Variants in ZFYVE26 observed in about 807,000 individuals in gnomAD.
The protein encoded by ZFYVE26 is zinc finger FYVE-type containing 26.
Under a neutral mutation model 276.5 loss-of-function variants are expected in ZFYVE26, and 181 were observed. That is an observed-to-expected ratio of 0.65 (90% confidence interval 0.58 to 0.74). ZFYVE26 has a LOEUF of 0.74. ZFYVE26 is among the 30% of genes least tolerant of loss of function. The probability of loss-of-function intolerance (pLI) is 0.00; values close to 1 mark genes in which losing one functional copy is unlikely to be tolerated. For synonymous variants in ZFYVE26, 1,129 were observed against 1,203.1 expected, an observed-to-expected ratio of 0.94 and a Z score of 1.27; for missense variants, 2,821 against 3,097.9, an observed-to-expected ratio of 0.91 and a Z score of 2.12.
intron 5 of ZFYVE26, 109 bp downstream of exon 5, chr14:67,807,289 C>T: frequency 6.8e-6 from 10 of 1,469,488 alleles, no homozygotes; most frequent in Non-Finnish European, 9.4e-6. Flanking sequence ...GCTTAGCCTC[C>T]CCTATTAGAT....
chr14:67,775,121 A>G lies in ZFYVE26; in HGVS notation c.5222-7T>C, dbSNP rs868061324. ...TGGAGGTGAATCACAGAATCTGTAGAGAGGGAAAATGCTGACAAAATATGG... is the reference window on the plus strand; with the variant it reads ...TGGAGGTGAATCACAGAATCTGTAGGGAGGGAAAATGCTGACAAAATATGG... On this transcript the variant is annotated splice_polypyrimidine_tract_variant and splice_region_variant and intron_variant, in intron 26 of 41. Coordinates refer to ENST00000347230, the MANE Select transcript of ZFYVE26 (RefSeq NM_015346.4). 1.3e-6 allele frequency: 2 copies of G among 1,595,384 alleles called. No homozygotes were observed. The highest frequency in any genetic ancestry group is 2.7e-5 in the African/African-American group (2 of 74,492).
At chr14:67,729,545 T>C in exon 14 of ZFYVE26, 6 of 707,164 alleles carry the variant, frequency 8.5e-6, no homozygotes, top group Non-Finnish European at 1.5e-5. Flanking sequence ...AAACTTACAG[T>C]ACAAACTTAT....
rs925640336 is a variant in ZFYVE26, at chr14:67,793,466, C to T, written c.2553+142G>A. ...CACCCTGCTGAAGACTGGGCCTGGG[C>T]ACATGGAAACCCCCTCTTGCTTCTG... On this transcript the variant is annotated intron_variant, in intron 14 of 41. Coordinates refer to ENST00000347230, the MANE Select transcript of ZFYVE26 (RefSeq NM_015346.4). The T allele has an allele frequency of 3.7e-5, 33 of 882,430 alleles. No homozygotes were observed. In the Admixed American group the frequency reaches 6.5e-4, roughly 17 times the overall value. The allele number at this position is 882,430 out of a possible 1,614,324, so 54.7% of individuals were successfully genotyped here.
At position 67,772,198 on chromosome 14, in the gene ZFYVE26, A is replaced by G. The variant is rs1776311846; in HGVS notation, c.5333T>C (p.Ile1778Thr). 1.2e-6 allele frequency: 2 copies of G among 1,613,082 alleles called. No homozygotes were observed. The highest frequency in any genetic ancestry group is 1.7e-6 in the Non-Finnish European group (2 of 1,179,706). ...SPAAPPGISS[I>T]HSPSLRERSF... ...CCTTTCCCTTAGACTAGGGGAATGT[A>G]TACTGGAGATACCTGGGAGGCAGAG... The change falls in exon 28 of 42, where the codon ATA (isoleucine) becomes ACA (threonine). Residue 1778 changes from isoleucine (I) to threonine (T), a missense_variant. Ile to Thr is a moderately conservative substitution (Grantham distance 89). Coordinates refer to ENST00000347230, the MANE Select transcript of ZFYVE26 (RefSeq NM_015346.4).
intron 23 of ZFYVE26, among the ~76,000 whole-genome samples, chr14:67,779,675 T>C (rs1277418151): frequency 6.6e-6 from 1 of 152,170 alleles, no homozygotes; most frequent in Admixed American, 6.5e-5. Context: ...GTTGGTAATA[T>C]TCTAGCAAAG....
chr14:67,733,969 T>C (rs757748818), intron 13 of ZFYVE26: 1 of 704,806 alleles, frequency 1.4e-6, no homozygotes, highest in Non-Finnish European at 2.6e-6. Flanking sequence ...TCCTGCCTGC[T>C]CTGATCCTCT....
intron 31 of ZFYVE26, among the ~76,000 whole-genome samples, chr14:67,767,053 C>A (rs1048964658): frequency 1.3e-5 from 2 of 152,082 alleles, no homozygotes; most frequent in African/African-American, 4.8e-5. Context: ...TTTCTCTGGT[C>A]CACTAGTGCA....
intron 10 of ZFYVE26, chr14:67,799,684 G>T: frequency 9.5e-7 from 1 of 1,054,650 alleles, no homozygotes; most frequent in Non-Finnish European, 1.4e-6. Context: ...AGATTTGAAG[G>T]CAAAAGTCAA....
intron 28 of ZFYVE26, chr14:67,770,615 G>A (rs920316487): frequency 6.6e-6 from 1 of 151,956 alleles, no homozygotes; most frequent in African/African-American, 2.4e-5. Flanking sequence ...ATTCTGATGT[G>A]TGTAATATAG....
At chr14:67,772,753 G>C (rs1048331740) in intron 27 of ZFYVE26, among the ~76,000 whole-genome samples, 1 of 152,026 alleles carries the variant, frequency 6.6e-6, no homozygotes, top group Non-Finnish European at 1.5e-5. Context: ...TGGGCAACTA[G>C]GCTGTCTCCA....
At chr14:67,763,091 G>C (rs1444882333) in intron 32 of ZFYVE26, among the ~76,000 whole-genome samples, 1 of 152,106 alleles carries the variant, frequency 6.6e-6, no homozygotes, top group African/African-American at 2.4e-5. Context: ...TTTTAATAGA[G>C]ACAGGGCTTC....
At chr14:67,784,708 G>A (rs547041622) in intron 19 of ZFYVE26, among the ~76,000 whole-genome samples, 12 of 152,248 alleles carry the variant, frequency 7.9e-5, no homozygotes, top group East Asian at 7.7e-4. Context: ...TCTTCAACCC[G>A]ACTGAAGTGC....
At chr14:67,775,258 A>G (rs2039311798) in intron 26 of ZFYVE26, 144 bp from the exon 27 acceptor site, 1 of 596,102 alleles carries the variant, frequency 1.7e-6, no homozygotes, top group Non-Finnish European at 2.9e-6. Context: ...TGGAGGAGGT[A>G]CCTCTAAGCC....
Position 67,777,700 on chromosome 14 carries a change from A to C in ZFYVE26, c.4833T>G (p.Leu1611=). ...LRRIPDPTMC[L]EVTEQSLDQH... is the part of the protein sequence containing the mutation. ...GGTCGAGGGATTGCTCTGTCACTTC[A>C]AGGCACATGGTGGGGTCAGGGATTC... Residue 1611 remains leucine (L), a synonymous_variant, in exon 25 of 42, where the codon CTT becomes CTG. Coordinates refer to ENST00000347230, the MANE Select transcript of ZFYVE26 (RefSeq NM_015346.4). 1 of 1,614,136 alleles carries C rather than the reference A, an allele frequency of 6.2e-7. No homozygotes were observed. The highest frequency in any genetic ancestry group is 8.5e-7 in the Non-Finnish European group (1 of 1,180,014).
At chr14:67,789,873 G>A (rs1350649016) in intron 15 of ZFYVE26, among the ~76,000 whole-genome samples, 1 of 152,228 alleles carries the variant, frequency 6.6e-6, no homozygotes, top group Non-Finnish European at 1.5e-5. Flanking sequence ...ATCTGTGTGT[G>A]CTAATCAGAA....
Position 67,748,411 on chromosome 14 carries a change from G to T in ZFYVE26, c.*25C>A. On this transcript the variant is annotated 3_prime_UTR_variant, in exon 42 of 42. Transcript: ENST00000347230. Reference sequence around the variant, plus strand: ...TGCTGTTGCCCAGCTCTCAGGCCACGTGTTCCTGGCCCCACTGCCCAAGGT... The same window carrying T: ...TGCTGTTGCCCAGCTCTCAGGCCACTTGTTCCTGGCCCCACTGCCCAAGGT... The T allele has an allele frequency of 6.2e-7, 1 of 1,609,600 alleles. No homozygotes were observed. Among genetic ancestry groups the T allele is most frequent in the East Asian group, 2.2e-5 (1 of 44,860 alleles).
chr14:67,804,016 A>G, intron 9 of ZFYVE26, 85 bp downstream of exon 9: 1 of 1,569,404 alleles, frequency 6.4e-7, no homozygotes, highest in East Asian at 2.2e-5. Flanking sequence ...CTCAGCAATC[A>G]CATCTGGATA....
chr14:67,744,999 AC>A (rs1446355366), downstream of ZFYVE26, among the ~76,000 whole-genome samples: 3 of 152,212 alleles, frequency 2.0e-5, no homozygotes, highest in African/African-American at 7.2e-5. Context: ...ACTGTCTTCC[AC>A]AATGGTTGAA....
In ZFYVE26 at chr14:67,751,117, AC is replaced by A. The variant is rs777249843; in HGVS notation, c.7372-22del. 6.8e-6 allele frequency: 11 copies of A among 1,614,076 alleles called. No homozygotes were observed. The Admixed American group carries it at 1.2e-4, about 17-fold the overall frequency. On this transcript the variant is annotated intron_variant, in intron 40 of 41. Transcript: ENST00000347230. ...AGCTCCTGTGCAGAACAGAAACAGC[AC>A]TGTGAGAGGGAGAAGAGTCCCGCAG...
Sources: allele counts gnomAD v4.1 joint callset (sites outside exome capture counted in the v4.1 genomes callset), GRCh38; gene constraint gnomAD v4.1.1; transcripts MANE v1.5; gene names NCBI Gene and HGNC (gene_info 2026-07-23, HGNC 2026-07-21).